Variants in MCMDC2 observed in about 807,000 individuals in gnomAD.
MCMDC2 encodes the protein minichromosome maintenance domain containing 2.
A neutral mutation model predicts 75.8 loss-of-function variants in MCMDC2; 54 were observed. The ratio of observed to expected loss-of-function variants is 0.71; its 90% CI spans 0.57 to 0.89. The LOEUF (loss-of-function observed/expected upper bound fraction) is 0.89. Among genes scored for constraint, MCMDC2 ranks in the 40% least tolerant of loss-of-function variants. The probability of loss-of-function intolerance (pLI) is 0.00; values close to 1 mark genes in which losing one functional copy is unlikely to be tolerated. For missense variants in MCMDC2, 656 were observed against 780.4 expected (o/e 0.84, Z 1.90); for synonymous variants, 249 against 274.6 (o/e 0.91, Z 0.92).
At chr8:66,881,412 G>A (rs915263182) in intron 8 of MCMDC2, among the ~76,000 whole-genome samples, 9 of 152,232 alleles carry the variant, frequency 5.9e-5, no homozygotes, top group African/African-American at 1.9e-4. Flanking sequence ...TCCTTGGCTG[G>A]GCGCTGTGGC....
At chr8:66,881,047 G>T (rs1811535555) in intron 8 of MCMDC2, 73 bp downstream of exon 8, 1 of 1,203,450 alleles carries the variant, frequency 8.3e-7, no homozygotes, top group Non-Finnish European at 1.1e-6. Context: ...GATAAGTATT[G>T]TTTGCCTATG....
In MCMDC2 at chr8:66,921,862, A is replaced by G. The variant is rs544126785; in HGVS notation, c.*2693A>G. On this transcript the variant is annotated 3_prime_UTR_variant, in exon 15 of 15. Transcript: ENST00000422365. Reference sequence around the variant, plus strand: ...CCACCCATAAATAAGCTAATTATTGACAAGATTATAATCTTTCGAATATGT... The same window carrying G: ...CCACCCATAAATAAGCTAATTATTGGCAAGATTATAATCTTTCGAATATGT... 1 of 152,372 alleles carries G rather than the reference A, an allele frequency of 6.6e-6. No individual in the cohort carries two copies. Among genetic ancestry groups the G allele is most frequent in the Admixed American group, 6.5e-5 (1 of 15,306 alleles). The allele number at this position is 152,372 out of a possible 1,614,324, so 9.4% of individuals were successfully genotyped here.
intron 10 of MCMDC2, among the ~76,000 whole-genome samples, chr8:66,894,377 A>G (rs1812247009): frequency 6.6e-6 from 1 of 152,224 alleles, no homozygotes; most frequent in African/African-American, 2.4e-5. Flanking sequence ...AACCACTTAC[A>G]CTGAAAATGA....
intron 14 of MCMDC2, among the ~76,000 whole-genome samples, chr8:66,909,124 C>G (rs1489274773): frequency 2.0e-5 from 3 of 152,130 alleles, no homozygotes; most frequent in Non-Finnish European, 4.4e-5. Context: ...GGCTCTTCCC[C>G]CTTCGCTTGG....
At chr8:66,886,806 C>A (rs1811865056) in intron 9 of MCMDC2, among the ~76,000 whole-genome samples, 1 of 151,784 alleles carries the variant, frequency 6.6e-6, no homozygotes, top group Admixed American at 6.6e-5. Context: ...AAGAAACTGC[C>A]AGTTTTCCGA....
chr8:66,896,880 A>C lies in MCMDC2; in HGVS notation c.1547A>C (p.His516Pro). The change falls in exon 12 of 15, where the codon CAC becomes CCC. Residue 516 changes from histidine (H) to proline (P), a missense_variant. Transcript: ENST00000422365. ...PCHPFLPTVQHTLNKAINPEG... is the reference protein window; with the variant it reads ...PCHPFLPTVQPTLNKAINPEG... ...CACCCATTTCTTCCTACTGTGCAACACACTTTGAACAAAGCCATTAATCCT... is the reference window on the plus strand; with the variant it reads ...CACCCATTTCTTCCTACTGTGCAACCCACTTTGAACAAAGCCATTAATCCT... The C allele has an allele frequency of 6.2e-7, 1 of 1,613,668 alleles. No individual in the cohort carries two copies. Among genetic ancestry groups the C allele is most frequent in the Non-Finnish European group, 8.5e-7 (1 of 1,179,798 alleles).
downstream of MCMDC2, among the ~76,000 whole-genome samples, chr8:66,923,196 A>T (rs1813616559): frequency 6.6e-6 from 1 of 152,136 alleles, no homozygotes; most frequent in Non-Finnish European, 1.5e-5. Context: ...GAAGACCTTC[A>T]CCTAAAAACA....
intron 4 of MCMDC2, among the ~76,000 whole-genome samples, chr8:66,876,613 C>G (rs1030746920): frequency 1.3e-5 from 2 of 152,106 alleles, no homozygotes; most frequent in African/African-American, 4.8e-5. Flanking sequence ...CTGAAATCAG[C>G]CATTTCCCCC....
At chr8:66,902,711 A>AAAAAAAAAAAAAAT (rs1467425752) in intron 13 of MCMDC2, among the ~76,000 whole-genome samples, 1 of 67,916 alleles carries the variant, frequency 1.5e-5, no homozygotes, top group African/African-American at 7.3e-5. Flanking sequence ...AAAAAAAAAA[A>AAAAAAAAAAAAAAT]ATATATATAT....
intron 12 of MCMDC2, among the ~76,000 whole-genome samples, chr8:66,899,164 A>G (rs765496813): frequency 1.3e-5 from 2 of 152,214 alleles, no homozygotes; most frequent in South Asian, 2.1e-4. Flanking sequence ...TAGTGTGCCA[A>G]TGTGTATTTG....
chr8:66,922,951 G>A (rs2130883263), downstream of MCMDC2, among the ~76,000 whole-genome samples: 1 of 152,220 alleles, frequency 6.6e-6, no homozygotes, highest in South Asian at 2.1e-4. Context: ...CTCTGTAACT[G>A]AGTATGTTTG....
chr8:66,871,851 G>C (rs1263605492), intron 1 of MCMDC2, among the ~76,000 whole-genome samples: 2 of 150,992 alleles, frequency 1.3e-5, no homozygotes, highest in Non-Finnish European at 2.9e-5. Context: ...AGCAAGCCGA[G>C]ATCACGCCAC....
rs1287699117 is a variant in MCMDC2 at position 66,921,896 on chromosome 8, G to A, written c.*2727G>A. On this transcript the variant is annotated 3_prime_UTR_variant, in exon 15 of 15. Transcript: ENST00000422365. The stretch of plus-strand genomic sequence containing the variant: ...TAATCTTTCGAATATGTTCAAAACA[G>A]GTCTGACTAGTGACTATGAGAATGG... 1 of 152,202 alleles carries A rather than the reference G, an allele frequency of 6.6e-6. No individual in the cohort carries two copies. Among genetic ancestry groups the A allele is most frequent in the Non-Finnish European group, 1.5e-5 (1 of 68,084 alleles). 9.4% of individuals were successfully genotyped at this position (152,202 alleles called of 1,614,324 possible).
chr8:66,925,325 A>AGCC (rs1309406764), downstream of MCMDC2: 1 of 152,514 alleles, frequency 6.6e-6, no homozygotes, highest in Admixed American at 6.5e-5. Context: ...CCTACGCAGC[A>AGCC]GCCGCCCGCT....
chr8:66,870,790 G>C lies in MCMDC2; in HGVS notation c.-130G>C, dbSNP rs1050216695. ...CGCGCTAGGACTCCGCTCCGCCTAC[G>C]CTGCAGGCGGAGAGCAACCGCCAAG... is the stretch of plus-strand genomic sequence containing the variant. On this transcript the variant is annotated 5_prime_UTR_variant, in exon 1 of 15. Coordinates refer to ENST00000422365, the MANE Select transcript of MCMDC2 (RefSeq NM_173518.5). 5 of 152,148 alleles carry C rather than the reference G, an allele frequency of 3.3e-5. No individual in the cohort carries two copies. The highest frequency in any genetic ancestry group is 7.4e-5 in the Non-Finnish European group (5 of 68,018). The allele number at this position is 152,148 out of a possible 1,614,324, so 9.4% of individuals were successfully genotyped here. A position where few individuals can be genotyped will look rare whatever the true frequency, so the allele number is the denominator to read the frequency against.
intron 12 of MCMDC2, among the ~76,000 whole-genome samples, chr8:66,898,985 A>G (rs897350148): frequency 2.6e-5 from 4 of 152,280 alleles, no homozygotes; most frequent in African/African-American, 4.8e-5. Context: ...AAGATTTTAT[A>G]GTTGGTTTGT....
chr8:66,911,830 A>G (rs1813134820), intron 14 of MCMDC2, among the ~76,000 whole-genome samples: 1 of 152,064 alleles, frequency 6.6e-6, no homozygotes, highest in South Asian at 2.1e-4. Context: ...CTCAAGAAAA[A>G]AAAAAAAAGG....
At chr8:66,893,522 G>A (rs1812208412) in intron 10 of MCMDC2, among the ~76,000 whole-genome samples, 1 of 152,190 alleles carries the variant, frequency 6.6e-6, no homozygotes, top group Non-Finnish European at 1.5e-5. Flanking sequence ...CTCAAGTGGT[G>A]GCAGACAAGA....
At chr8:66,907,691 C>T (rs943370151) in intron 14 of MCMDC2, among the ~76,000 whole-genome samples, 5 of 152,206 alleles carry the variant, frequency 3.3e-5, no homozygotes, top group Admixed American at 2.6e-4. Flanking sequence ...GTCCCACCGA[C>T]GGTGTAAAAG....
Sources: allele counts gnomAD v4.1 joint callset (sites outside exome capture counted in the v4.1 genomes callset), GRCh38; gene constraint gnomAD v4.1.1; transcripts MANE v1.5; gene names NCBI Gene and HGNC (gene_info 2026-07-23, HGNC 2026-07-21).